PWWP2A: variants seen among roughly 807,000 people sequenced by gnomAD.
The protein encoded by PWWP2A is PWWP domain-containing protein 2A.
In PWWP2A, 18 loss-of-function variants were observed where a neutral mutation model predicts 48.5. The observed-to-expected ratio is 0.37, with a 90% CI of 0.26 to 0.55. PWWP2A has a LOEUF of 0.55. PWWP2A is among the 20% of genes least tolerant of loss of function. PWWP2A has a pLI of 0.81. For synonymous variants in PWWP2A, 396 were observed against 387.7 expected (o/e 1.02, Z -0.25); for missense variants, 867 against 976.4 (o/e 0.89, Z 1.49).
chr5:160,089,443 CTCAAGCAA>C (rs1489205389), downstream of PWWP2A: 20 of 881,322 alleles, frequency 2.3e-5, no homozygotes, highest in Non-Finnish European at 3.0e-5. Flanking sequence ...AACTCCGGGC[CTCAAGCAA>C]TCATCCCACC....
the PWWP2A span, among the ~76,000 whole-genome samples, chr5:160,047,835 T>A: frequency 6.6e-6 from 1 of 152,204 alleles, no homozygotes; most frequent in Non-Finnish European, 1.5e-5. Context: ...CTGAGACCAC[T>A]TTCTGAAGTT....
At chr5:160,090,746 A>T, downstream of PWWP2A, 1 of 961,346 alleles carries the variant, frequency 1.0e-6, no homozygotes. Context: ...TCCACAAAAA[A>T]CTGCTAAATT....
At chr5:160,095,215 G>C (rs563363852) in intron 1 of PWWP2A, among the ~76,000 whole-genome samples, 85 of 151,834 alleles carry the variant, frequency 5.6e-4, no homozygotes, top group African/African-American at 2.0e-3. Context: ...TTGCTTTAAG[G>C]CTAGTCAGAC....
intron 5 of PWWP2A, among the ~76,000 whole-genome samples, chr5:160,062,967 G>A (rs755889787): frequency 4.6e-5 from 7 of 152,128 alleles, no homozygotes; most frequent in African/African-American, 7.2e-5. Flanking sequence ...AGGCTGTGCC[G>A]CTGCCTTGTG....
At chr5:160,063,176 C>A (rs1405641652) in intron 5 of PWWP2A, among the ~76,000 whole-genome samples, 2 of 152,182 alleles carry the variant, frequency 1.3e-5, no homozygotes, top group African/African-American at 4.8e-5. Context: ...AGTTCTTAAG[C>A]CTGAGACTAA....
In PWWP2A at chr5:160,093,167, C is replaced by G. The variant is rs1183879178; in HGVS notation, c.1483G>C (p.Glu495Gln). ...GCCATCTTGCCACTCCGCATTTTCT[C>G]AAGTCCTGTCTTCAGAGAAGAGTCA... The part of the protein sequence containing the change: ...ENDSSLKTGL[E>Q]KMRSGKMAPK... Residue 495 changes from glutamate to glutamine, a missense_variant, in exon 2 of 2, where the codon GAG becomes CAG. Coordinates refer to ENST00000307063, the MANE Select transcript of PWWP2A (RefSeq NM_001130864.2). This position sits in a 1 kb window ranked among gnomAD's most constrained non-coding sequence, Gnocchi z 5.8. The G allele has an allele frequency of 1.2e-6, 2 of 1,613,962 alleles. No individual in the cohort carries two copies. The highest frequency in any genetic ancestry group is 1.7e-6 in the Non-Finnish European group (2 of 1,179,882).
At chr5:160,111,489 C>T (rs1285536659) in intron 1 of PWWP2A, among the ~76,000 whole-genome samples, 1 of 151,638 alleles carries the variant, frequency 6.6e-6, no homozygotes, top group African/African-American at 2.4e-5. Context: ...TCTTAACTCG[C>T]CAGGCACAGC....
intron 1 of PWWP2A, among the ~76,000 whole-genome samples, chr5:160,111,030 A>T (rs73314940): frequency 0.011 from 1,610 of 151,816 alleles, 29 homozygotes; most frequent in African/African-American, 0.037. Flanking sequence ...GCCTATAATA[A>T]TCACTTAGGC....
At chr5:160,097,710 G>GA (rs1418649191) in intron 1 of PWWP2A, among the ~76,000 whole-genome samples, 1 of 146,760 alleles carries the variant, frequency 6.8e-6, no homozygotes, top group East Asian at 2.0e-4. Flanking sequence ...TTTTTTTGGG[G>GA]GGGGGGGCGG....
intron 1 of PWWP2A, among the ~76,000 whole-genome samples, chr5:160,103,989 C>T (rs552026189): frequency 1.3e-5 from 2 of 151,680 alleles, no homozygotes; most frequent in East Asian, 1.9e-4. Context: ...AAGGGCCTGG[C>T]GGTGTGCATC....
intron 1 of PWWP2A, among the ~76,000 whole-genome samples, chr5:160,114,364 T>C (rs1222196164): frequency 6.6e-6 from 1 of 151,790 alleles, no homozygotes; most frequent in Non-Finnish European, 1.5e-5. Context: ...AAACTCCGTC[T>C]CTACTATAAT....
At chr5:160,044,965 A>G in the PWWP2A span, among the ~76,000 whole-genome samples, 2 of 152,308 alleles carry the variant, frequency 1.3e-5, no homozygotes, top group African/African-American at 4.8e-5. Flanking sequence ...AACTCTTTCT[A>G]TATTATAATA....
intron 1 of PWWP2A, chr5:160,116,660 T>A: frequency 1.0e-6 from 1 of 985,234 alleles, no homozygotes; most frequent in Non-Finnish European, 1.2e-6. Context: ...AATGAGCACT[T>A]ATCCATTCCA....
intron 3 of PWWP2A, among the ~76,000 whole-genome samples, chr5:160,079,417 G>A (rs954513673): frequency 6.6e-6 from 1 of 151,440 alleles, no homozygotes; most frequent in Non-Finnish European, 1.5e-5. Context: ...GATGAAAGAT[G>A]AATGTAGTCC....
chr5:160,057,584 TTTAAA>T (rs1212705061), downstream of PWWP2A, among the ~76,000 whole-genome samples: 6 of 152,218 alleles, frequency 3.9e-5, no homozygotes, highest in Admixed American at 2.0e-4. This position sits in a 1 kb window ranked among gnomAD's most constrained non-coding sequence, Gnocchi z 4.4. Context: ...TGGCAGTATC[TTTAAA>T]TAAGATAGCA....
the PWWP2A span, among the ~76,000 whole-genome samples, chr5:160,051,389 T>C: frequency 6.6e-6 from 1 of 152,348 alleles, no homozygotes; most frequent in South Asian, 2.1e-4. Flanking sequence ...TCCTTTTTGA[T>C]TTTCTTGGAA....
At chr5:160,045,053 T>C in the PWWP2A span, among the ~76,000 whole-genome samples, 1 of 152,208 alleles carries the variant, frequency 6.6e-6, no homozygotes, top group Non-Finnish European at 1.5e-5. Flanking sequence ...GAAGAAGTTA[T>C]TTAACCTATT....
At chr5:160,102,108 G>A (rs1332610873) in intron 1 of PWWP2A, among the ~76,000 whole-genome samples, 3 of 119,170 alleles carry the variant, frequency 2.5e-5, no homozygotes, top group African/African-American at 1.0e-4. Context: ...GAAACTTGGT[G>A]TCAAAAAAAA....
At chr5:160,073,921 C>A (rs1313801408), downstream of PWWP2A, among the ~76,000 whole-genome samples, 1 of 151,646 alleles carries the variant, frequency 6.6e-6, no homozygotes. Context: ...AAAAATTAGC[C>A]GGGCATGGGG....
Sources: gnomAD v4.1 joint callset for allele counts (sites outside exome capture counted in the v4.1 genomes callset) on GRCh38, gnomAD v4.1.1 for gene constraint, Gnocchi (gnomAD v3.1) non-coding constraint, MANE v1.5 for transcripts, NCBI Gene and HGNC (gene_info 2026-07-23, HGNC 2026-07-21) for gene names.